RSBN1L: variants seen among roughly 807,000 people sequenced by gnomAD.
RSBN1L encodes round spermatid basic protein 1 like.
Under a neutral mutation model 67.7 loss-of-function variants are expected in RSBN1L, and 30 were observed. That is an observed-to-expected ratio of 0.44 (90% CI 0.33 to 0.60). The LOEUF (loss-of-function observed/expected upper bound fraction) is 0.60, where lower values mean the gene tolerates loss of function less well. RSBN1L is among the 20% of genes least tolerant of loss of function. The pLI is 0.02. For missense variants in RSBN1L, 992 were observed against 1,031.7 expected, an observed-to-expected ratio of 0.96 and a Z score of 0.53; for synonymous variants, 433 against 387.0, an observed-to-expected ratio of 1.12 and a Z score of -1.39.
intron 1 of RSBN1L, among the ~76,000 whole-genome samples, chr7:77,725,495 C>T (rs1345539908): frequency 6.6e-6 from 1 of 151,776 alleles, no homozygotes; most frequent in Non-Finnish European, 1.5e-5. Flanking sequence ...GATCCACCTG[C>T]CTCGGCCTCC....
Position 77,699,729 on chromosome 7 carries a change from G to A in RSBN1L, c.586+2674G>A, listed in dbSNP as rs555528976. 1.4e-3 allele frequency among the ~76,000 whole-genome samples: 218 copies of A among 152,152 alleles called. 1 individual carries two copies. Among genetic ancestry groups the A allele is most frequent in the African/African-American group, 4.8e-3 (200 of 41,526 alleles). On this transcript the variant is annotated intron_variant, in intron 1 of 7. Coordinates refer to ENST00000334955, the MANE Select transcript of RSBN1L (RefSeq NM_198467.3). ...AATCATAGTACTGTAGCTGACTTGC[G>A]TGATAGCTTGACTCACCAAGTAAAA... is the stretch of plus-strand genomic sequence containing the variant.
chr7:77,709,254 A>G (rs983041966), intron 1 of RSBN1L, among the ~76,000 whole-genome samples: 3 of 144,496 alleles, frequency 2.1e-5, no homozygotes, highest in Non-Finnish European at 4.6e-5. Flanking sequence ...CCCTTTTAGA[A>G]CTCTCCTTAC....
chr7:77,699,470 A>C (rs1369743713), intron 1 of RSBN1L, among the ~76,000 whole-genome samples: 1 of 152,236 alleles, frequency 6.6e-6, no homozygotes, highest in African/African-American at 2.4e-5. Flanking sequence ...GGTTAAATGA[A>C]AGCATGTATA....
At chr7:77,741,725 GA>G (rs1791413516) in intron 2 of RSBN1L, among the ~76,000 whole-genome samples, 1 of 151,080 alleles carries the variant, frequency 6.6e-6, no homozygotes, top group Non-Finnish European at 1.5e-5. Flanking sequence ...AAGAATTATA[GA>G]TTTAATGTGG....
chr7:77,765,656 T>A, intron 4 of RSBN1L, 24 bp downstream of exon 4: 3 of 1,514,728 alleles, frequency 2.0e-6, no homozygotes, highest in Non-Finnish European at 2.7e-6. Context: ...TGTCATGGGA[T>A]TAGAGTTTTT....
Position 77,779,092 on chromosome 7 carries a change from TAA to T in RSBN1L, c.2466_2467del (p.Leu824SerfsTer2), listed in dbSNP as rs1250120416. ...AAGGAAGAATTGTGCCCTGGAAATCTAAGTCTAGTTGATACAAGGCAACACAG... is the reference window on the plus strand; with the variant it reads ...AAGGAAGAATTGTGCCCTGGAAATCTGTCTAGTTGATACAAGGCAACACAG... On this transcript the variant is annotated frameshift_variant, in exon 8 of 8. Transcript: ENST00000334955. LOFTEE classifies it high-confidence loss of function. 1.2e-6 allele frequency: 2 copies of T among 1,613,056 alleles called. No homozygotes were observed. The highest frequency in any genetic ancestry group is 1.7e-6 in the Non-Finnish European group (2 of 1,179,238).
chr7:77,701,169 A>C (rs945780118), intron 1 of RSBN1L, among the ~76,000 whole-genome samples: 2 of 122,088 alleles, frequency 1.6e-5, no homozygotes, highest in Non-Finnish European at 3.3e-5. Flanking sequence ...AAAAAAAAAA[A>C]ACAACAACAA....
chr7:77,714,585 G>C (rs1791021062), intron 1 of RSBN1L, among the ~76,000 whole-genome samples: 1 of 152,032 alleles, frequency 6.6e-6, no homozygotes, highest in Non-Finnish European at 1.5e-5. Flanking sequence ...AGCACAATTT[G>C]GTGCTACAAG....
chr7:77,771,192 G>A (rs1205823191), intron 5 of RSBN1L, among the ~76,000 whole-genome samples: 1 of 152,090 alleles, frequency 6.6e-6, no homozygotes, highest in Non-Finnish European at 1.5e-5. Flanking sequence ...CTCCTGCCTC[G>A]GCCACCCAAA....
chr7:77,728,760 T>C (rs113125928), intron 1 of RSBN1L, among the ~76,000 whole-genome samples: 4 of 152,304 alleles, frequency 2.6e-5, no homozygotes, highest in African/African-American at 9.6e-5. Flanking sequence ...AATGTAAAAC[T>C]TTTAGTCTTG....
At chr7:77,733,812 G>A (rs7780203) in intron 1 of RSBN1L, among the ~76,000 whole-genome samples, 84,705 of 152,152 alleles carry the variant, frequency 0.56, 25,635 homozygotes, top group African/African-American at 0.81. Flanking sequence ...GGCTTATATA[G>A]TGAATATATG....
chr7:77,757,440 G>T (rs1435958510), intron 3 of RSBN1L, among the ~76,000 whole-genome samples: 1 of 152,180 alleles, frequency 6.6e-6, no homozygotes, highest in Non-Finnish European at 1.5e-5. Flanking sequence ...GATATATTAG[G>T]AAACTGTATC....
intron 1 of RSBN1L, among the ~76,000 whole-genome samples, chr7:77,708,674 G>A (rs909311020): frequency 3.3e-5 from 5 of 151,824 alleles, no homozygotes; most frequent in Admixed American, 6.6e-5. Flanking sequence ...GAGCCACCGC[G>A]CCCAGCCGAG....
At chr7:77,715,304 T>A (rs1459499075) in intron 1 of RSBN1L, among the ~76,000 whole-genome samples, 1 of 152,138 alleles carries the variant, frequency 6.6e-6, no homozygotes, top group East Asian at 1.9e-4. Flanking sequence ...ATGTATGTTT[T>A]CATTTTTCTT....
chr7:77,757,281 G>A (rs1386592734), intron 3 of RSBN1L, among the ~76,000 whole-genome samples: 2 of 151,990 alleles, frequency 1.3e-5, no homozygotes, highest in South Asian at 2.1e-4. Flanking sequence ...TTTTGTCTTC[G>A]GTTTTGGAAT....
At chr7:77,698,093 T>C (rs1286746395) in intron 1 of RSBN1L, among the ~76,000 whole-genome samples, 1 of 152,264 alleles carries the variant, frequency 6.6e-6, no homozygotes, top group Non-Finnish European at 1.5e-5. Context: ...TAACAGTAGC[T>C]CAGATCATGA....
At chr7:77,749,110 TG>T (rs1323936243) in intron 2 of RSBN1L, among the ~76,000 whole-genome samples, 1 of 152,046 alleles carries the variant, frequency 6.6e-6, no homozygotes, top group Admixed American at 6.6e-5. Flanking sequence ...AAGAATTAGC[TG>T]GGCATGGTGA....
intron 2 of RSBN1L, among the ~76,000 whole-genome samples, chr7:77,746,119 C>T (rs1791480954): frequency 6.6e-6 from 1 of 152,134 alleles, no homozygotes; most frequent in African/African-American, 2.4e-5. Context: ...TTGGGGATGC[C>T]TGCATTAAAG....
chr7:77,703,998 A>G (rs1790856114), intron 1 of RSBN1L, among the ~76,000 whole-genome samples: 1 of 152,156 alleles, frequency 6.6e-6, no homozygotes, highest in Admixed American at 6.6e-5. Context: ...TAAAGGGATG[A>G]TATTTTCACA....
Sources: allele counts gnomAD v4.1 joint callset (sites outside exome capture counted in the v4.1 genomes callset), GRCh38; gene constraint gnomAD v4.1.1; transcripts MANE v1.5; gene names NCBI Gene and HGNC (gene_info 2026-07-23, HGNC 2026-07-21).